The following CARMIL1 variants were observed in gnomAD, a reference collection of about 807,000 sequenced individuals.
CARMIL1 encodes capping protein regulator and myosin 1 linker 1.
CARMIL1 carries 90 observed loss-of-function variants against 177.1 expected under a neutral mutation model. That is an observed-to-expected ratio of 0.51 (90% CI 0.43 to 0.61). The LOEUF is 0.61. Among genes scored for constraint, CARMIL1 ranks in the 20% least tolerant of loss-of-function variants. The pLI is 0.00. For missense variants in CARMIL1, 1,380 were observed against 1,667.0 expected, an observed-to-expected ratio of 0.83 and a Z score of 3.00; for synonymous variants, 577 against 606.2, an observed-to-expected ratio of 0.95 and a Z score of 0.71.
chr6:25,493,120 T>C (rs995551154), intron 15 of CARMIL1, among the ~76,000 whole-genome samples: 1 of 152,254 alleles, frequency 6.6e-6, no homozygotes, highest in African/African-American at 2.4e-5. Context: ...GGTTACAAGA[T>C]GAAAGCACAG....
At chr6:25,390,315 TA>T (rs1489823340) in intron 2 of CARMIL1, among the ~76,000 whole-genome samples, 709 of 50,164 alleles carry the variant, frequency 0.014, 14 homozygotes, top group Admixed American at 0.072. Flanking sequence ...TATATATATA[TA>T]TATATTTTTT....
intron 15 of CARMIL1, among the ~76,000 whole-genome samples, chr6:25,492,758 T>C (rs547481231): frequency 1.3e-5 from 2 of 152,170 alleles, no homozygotes; most frequent in South Asian, 2.1e-4. Flanking sequence ...TTAAAGGCCT[T>C]ATATATTTAA....
At chr6:25,344,306 C>T (rs1213233454) in intron 2 of CARMIL1, among the ~76,000 whole-genome samples, 1 of 152,176 alleles carries the variant, frequency 6.6e-6, no homozygotes, top group African/African-American at 2.4e-5. Flanking sequence ...CCACACTCAC[C>T]CCATGTCCTC....
At chr6:25,329,205 C>A (rs1218705086) in intron 2 of CARMIL1, among the ~76,000 whole-genome samples, 2 of 152,152 alleles carry the variant, frequency 1.3e-5, no homozygotes, top group Middle Eastern at 6.3e-3. Context: ...AATCTAGATT[C>A]CATCCTCCCC....
intron 2 of CARMIL1, among the ~76,000 whole-genome samples, chr6:25,332,765 A>G (rs1198613904): frequency 9.7e-5 from 13 of 134,548 alleles, no homozygotes; most frequent in Non-Finnish European, 1.5e-4. Context: ...ACACACACAC[A>G]CACACACGCG....
chr6:25,468,457 T>C (rs1399829079), intron 9 of CARMIL1, among the ~76,000 whole-genome samples: 1 of 152,262 alleles, frequency 6.6e-6, no homozygotes, highest in African/African-American at 2.4e-5. Context: ...TATTACTCTA[T>C]AGTGATTCTA....
At position 25,488,567 on chromosome 6, in the gene CARMIL1, T is replaced by A. The variant is rs1391269229; in HGVS notation, c.1047T>A (p.Leu349=). Residue 349 remains leucine, a synonymous_variant, in exon 13 of 37, where the codon CTT becomes CTA. Transcript: ENST00000329474. ...ACCTCGACCTCTCAGGGAACGTCCT[T>A]CGTGGAGATGACCTCTCAGTAAGTT... ...LVHLDLSGNV[L]RGDDLSHMYN... is the part of the protein sequence containing the mutation. 5.0e-6 allele frequency: 8 copies of A among 1,613,770 alleles called. 1 individual carries two copies. Among genetic ancestry groups the A allele is most frequent in the Middle Eastern group, 3.3e-4 (2 of 6,060 alleles).
At chr6:25,499,735 C>T (rs773210799) in intron 16 of CARMIL1, among the ~76,000 whole-genome samples, 81 of 152,318 alleles carry the variant, frequency 5.3e-4, no homozygotes, top group African/African-American at 1.9e-3. Flanking sequence ...TCCTCACTTA[C>T]ATATTCCTTA....
At position 25,470,011 on chromosome 6, in the gene CARMIL1, T is replaced by C. The variant is rs552164554; in HGVS notation, c.691-1158T>C. Among the ~76,000 whole-genome samples the C allele has an allele frequency of 2.2e-4, 33 of 152,308 alleles. No homozygotes were observed. The East Asian group carries it at 6.2e-3, about 28-fold the overall frequency. ...TTCATTTTTCACTGTCCCCTGAAAA[T>C]TTTGTTATAAGTTACTCATTTTAAT... On this transcript the variant is annotated intron_variant, in intron 9 of 36. Transcript: ENST00000329474.
rs1006101021 is a variant in CARMIL1, at chr6:25,572,182, AT to A, written c.2743-8732del. 6.0e-3 allele frequency among the ~76,000 whole-genome samples: 902 copies of A among 151,036 alleles called. 5 individuals are homozygous for A. The highest frequency in any genetic ancestry group is 0.021 in the African/African-American group (849 of 41,216). Reference sequence around the variant, plus strand: ...GTCAACAACCTTTAAATGGTTCAGAATTTTTTTTTTCTGTGTTTGTGTTAGA... The same window carrying A: ...GTCAACAACCTTTAAATGGTTCAGAATTTTTTTTTCTGTGTTTGTGTTAGA... On this transcript the variant is annotated intron_variant, in intron 29 of 36. Transcript: ENST00000329474.
chr6:25,573,913 T>G (rs2151228200), intron 29 of CARMIL1, among the ~76,000 whole-genome samples: 1 of 152,332 alleles, frequency 6.6e-6, no homozygotes, highest in East Asian at 1.9e-4. Flanking sequence ...GTTCTTGGGC[T>G]CTGGAAAACA....
intron 2 of CARMIL1, among the ~76,000 whole-genome samples, chr6:25,419,022 G>A (rs1281842976): frequency 6.6e-6 from 1 of 152,164 alleles, no homozygotes; most frequent in African/African-American, 2.4e-5. Context: ...TGGGAGACTA[G>A]GGAAAGGTAT....
At chr6:25,299,281 C>T (rs1468532717) in intron 2 of CARMIL1, among the ~76,000 whole-genome samples, 1 of 151,492 alleles carries the variant, frequency 6.6e-6, no homozygotes, top group African/African-American at 2.4e-5. Flanking sequence ...AGGGATTCTC[C>T]TGCCTCAGCC....
intron 20 of CARMIL1, among the ~76,000 whole-genome samples, chr6:25,512,880 G>A (rs1341574727): frequency 6.6e-6 from 1 of 152,090 alleles, no homozygotes; most frequent in Non-Finnish European, 1.5e-5. Flanking sequence ...ATTCTCCTGG[G>A]GGTGCCTGAA....
chr6:25,308,086 G>A (rs1783422940), intron 2 of CARMIL1, among the ~76,000 whole-genome samples: 1 of 152,182 alleles, frequency 6.6e-6, no homozygotes, highest in African/African-American at 2.4e-5. Context: ...ATTTCACATG[G>A]ATATAAAGTT....
At chr6:25,398,382 A>G (rs963337313) in intron 2 of CARMIL1, among the ~76,000 whole-genome samples, 1 of 152,220 alleles carries the variant, frequency 6.6e-6, no homozygotes, top group Non-Finnish European at 1.5e-5. Context: ...TATTAAAGTA[A>G]TGGATATTTC....
intron 36 of CARMIL1, among the ~76,000 whole-genome samples, chr6:25,617,135 CTGGAGAATT>C (rs1209692554): frequency 6.6e-6 from 1 of 152,130 alleles, no homozygotes; most frequent in East Asian, 1.9e-4. Flanking sequence ...CCCCTGAGTC[CTGGAGAATT>C]TGGAAGCCTG....
chr6:25,483,782 T>C (rs965789021), intron 12 of CARMIL1, among the ~76,000 whole-genome samples: 2 of 152,034 alleles, frequency 1.3e-5, no homozygotes, highest in Non-Finnish European at 2.9e-5. Context: ...TATTTATTTT[T>C]TTGGAGACAG....
intron 29 of CARMIL1, 103 bp downstream of exon 29, chr6:25,556,953 A>T: frequency 1.7e-6 from 2 of 1,167,408 alleles, no homozygotes. Flanking sequence ...GACCAAACAA[A>T]ACACTGTCCC....
Sources: gnomAD v4.1 joint callset for allele counts (sites outside exome capture counted in the v4.1 genomes callset) on GRCh38, gnomAD v4.1.1 for gene constraint, MANE v1.5 for transcripts, NCBI Gene and HGNC (gene_info 2026-07-23, HGNC 2026-07-21) for gene names.